Variants in NFATC4 observed in about 807,000 individuals in gnomAD.
NFATC4 encodes the protein nuclear factor of activated T cells 4.
In NFATC4, 25 loss-of-function variants were observed where a neutral mutation model predicts 73.4. The ratio of observed to expected loss-of-function variants is 0.34; its 90% CI spans 0.25 to 0.48. NFATC4 has a LOEUF of 0.48. Ranked by LOEUF, NFATC4 falls within the 20% of genes least tolerant of loss-of-function variation. The pLI is 0.99. For missense variants in NFATC4, 1,130 were observed against 1,203.7 expected (o/e 0.94, Z 0.91); for synonymous variants, 523 against 510.3 (o/e 1.02, Z -0.34).
intron 1 of NFATC4, 124 bp downstream of exon 1, chr14:24,368,564 C>T (rs2042369935): frequency 1.2e-6 from 1 of 814,596 alleles, no homozygotes; most frequent in Non-Finnish European, 1.5e-6. Flanking sequence ...CGAAGGGAGT[C>T]GGGGGGACTC....
chr14:24,368,340 C>A lies in NFATC4; in HGVS notation c.-1C>A. On this transcript the variant is annotated 5_prime_UTR_variant, in exon 1 of 10. Transcript: ENST00000250373. ...GGGACCTGGGGGCTCCTGCCGGATC[C>A]ATGGGGGCGGCCAGCTGCGAGGATG... The A allele has an allele frequency of 5.0e-6, 7 of 1,388,794 alleles. No individual in the cohort carries two copies. The highest frequency in any genetic ancestry group is 6.5e-6 in the Non-Finnish European group (7 of 1,072,464). 86.0% of individuals were successfully genotyped at this position (1,388,794 alleles called of 1,614,324 possible).
intron 3 of NFATC4, 184 bp downstream of exon 3, chr14:24,372,787 C>T (rs1401655371): frequency 7.5e-5 from 52 of 690,836 alleles, no homozygotes; most frequent in Admixed American, 1.4e-4. Context: ...CTACTCCTGT[C>T]CTTCCACCCC....
chr14:24,372,240 G>T, intron 2 of NFATC4: 1 of 597,298 alleles, frequency 1.7e-6, no homozygotes, highest in Non-Finnish European at 2.9e-6. Flanking sequence ...CTGGACTTTT[G>T]GATTTCTTCA....
rs997004397 is a variant in NFATC4 at position 24,373,011 on chromosome 14, G to A, written c.1360-160G>A. On this transcript the variant is annotated intron_variant, in intron 3 of 9. Coordinates refer to ENST00000250373, the MANE Select transcript of NFATC4 (RefSeq NM_004554.5). This position sits in a 1 kb window ranked among gnomAD's most constrained non-coding sequence, Gnocchi z 4.7. ...AAAAACACTGTGAACTCCAGGCCAT[G>A]TTTTCTCCACAACGGGTGCCCAGTT... is the stretch of plus-strand genomic sequence containing the variant. 2.7e-6 allele frequency: 2 copies of A among 741,590 alleles called. No individual in the cohort carries two copies. The highest frequency in any genetic ancestry group is 4.3e-6 in the Non-Finnish European group (2 of 464,918). 45.9% of individuals were successfully genotyped at this position (741,590 alleles called of 1,614,324 possible). A position where few individuals can be genotyped will look rare whatever the true frequency, so the allele number is the denominator to read the frequency against.
In NFATC4 at chr14:24,377,462, C is replaced by T. The variant is rs568243522; in HGVS notation, c.2642-176C>T. On this transcript the variant is annotated intron_variant, in intron 9 of 9. Coordinates refer to ENST00000250373, the MANE Select transcript of NFATC4 (RefSeq NM_004554.5). This position sits in a 1 kb window ranked among gnomAD's most constrained non-coding sequence, Gnocchi z 4.2. ...GGAGGGAGTTGGGCAAGATTTGATT[C>T]GGAGCAGGTGTCAAGACGTGTTGGG... 200 of 1,432,730 alleles carry T rather than the reference C, an allele frequency of 1.4e-4. No homozygotes were observed. In the African/African-American group the frequency reaches 1.8e-3, roughly 13 times the overall value. The allele number at this position is 1,432,730 out of a possible 1,614,324, so 88.8% of individuals were successfully genotyped here.
At position 24,370,004 on chromosome 14, in the gene NFATC4, A is replaced by C; in HGVS notation, c.606A>C (p.Leu202=). ...YAACDEVESE[L]NEAASRFGLG... ...CCTGCGACGAGGTGGAGTCTGAGCT[A>C]AATGAGGCGGCCTCCCGCTTTGGCC... Residue 202 remains leucine, a synonymous_variant, in exon 2 of 10, where the codon CTA becomes CTC. Coordinates refer to ENST00000250373, the MANE Select transcript of NFATC4 (RefSeq NM_004554.5). 1 of 1,612,636 alleles carries C rather than the reference A, an allele frequency of 6.2e-7. No individual in the cohort carries two copies. Among genetic ancestry groups the C allele is most frequent in the Non-Finnish European group, 8.5e-7 (1 of 1,179,944 alleles).
intron 6 of NFATC4, 124 bp downstream of exon 6, chr14:24,374,590 A>G (rs1020007666): frequency 1.1e-6 from 1 of 897,458 alleles, no homozygotes; most frequent in Non-Finnish European, 1.7e-6. Context: ...AAAATGGGAC[A>G]GACAGACTAC....
chr14:24,376,107 C>A lies in NFATC4; in HGVS notation c.2056+6C>A. On this transcript the variant is annotated splice_donor_region_variant and intron_variant, in intron 8 of 9. Coordinates refer to ENST00000250373, the MANE Select transcript of NFATC4 (RefSeq NM_004554.5). The surrounding 1 kb of genome is among the most constrained non-coding windows in gnomAD (Gnocchi z 5.0). ...GAGTTTCAGGTTTCTGCCTGGTGCG[C>A]TCTGGGACAGCCCATGGTGGGGGTA... The A allele has an allele frequency of 6.2e-7, 1 of 1,613,964 alleles. No individual in the cohort carries two copies. The highest frequency in any genetic ancestry group is 8.5e-7 in the Non-Finnish European group (1 of 1,179,918).
In NFATC4 at chr14:24,377,811, C is replaced by G. The variant is rs1308667330; in HGVS notation, c.*106C>G. 2.2e-5 allele frequency: 35 copies of G among 1,580,538 alleles called. No individual in the cohort carries two copies. In the East Asian group the frequency reaches 3.0e-4, roughly 13 times the overall value. ...TACAGAAGCTTGGGGCCAACCCTGGCTCCTCTTTCCCCAGCTTCTGTCTGT... is the reference window on the plus strand; with the variant it reads ...TACAGAAGCTTGGGGCCAACCCTGGGTCCTCTTTCCCCAGCTTCTGTCTGT... On this transcript the variant is annotated 3_prime_UTR_variant, in exon 10 of 10. Transcript: ENST00000250373. The surrounding 1 kb of genome is among the most constrained non-coding windows in gnomAD (Gnocchi z 4.2).
At position 24,373,274 on chromosome 14, in the gene NFATC4, C is replaced by T. The variant is rs759676539; in HGVS notation, c.1463C>T (p.Thr488Ile). ...GCCTTCTATCAGGTGCACCGTATCACAGGCAAGATGGTGGCCACGGCCAGC... is the reference window on the plus strand; with the variant it reads ...GCCTTCTATCAGGTGCACCGTATCATAGGCAAGATGGTGGCCACGGCCAGC... The part of the protein sequence containing the change: ...PHAFYQVHRI[T>I]GKMVATASYE... The change falls in exon 4 of 10, where the codon ACA (threonine) becomes ATA (isoleucine). Residue 488 changes from threonine to isoleucine, a missense_variant. By Grantham distance (89) the Thr-to-Ile change is moderately conservative. This residue lies in a region of NFATC4 where 155 missense variants were observed against 221.2 expected (regional missense o/e 0.70). Transcript: ENST00000250373. The surrounding 1 kb of genome is among the most constrained non-coding windows in gnomAD (Gnocchi z 4.7). The T allele has an allele frequency of 6.2e-7, 1 of 1,614,086 alleles. No individual in the cohort carries two copies. The highest frequency in any genetic ancestry group is 8.5e-7 in the Non-Finnish European group (1 of 1,180,052).
intron 1 of NFATC4, chr14:24,369,272 C>T (rs1279057919): frequency 1.3e-6 from 2 of 1,545,696 alleles, no homozygotes; most frequent in Non-Finnish European, 1.7e-6. Context: ...ATCGGGTACC[C>T]TCGGTCCTAG....
Position 24,373,366 on chromosome 14 carries a change from G to A in NFATC4, c.1555G>A (p.Ala519Thr). 1 of 1,613,754 alleles carries A rather than the reference G, an allele frequency of 6.2e-7. No homozygotes were observed. ...MTLLPENNMA[A>T]NIDCAGILKL... ...TCTGCTGCCTGAGAACAACATGGCG[G>A]CCAAGTAAGTCCCATGCAACTTCCC... Residue 519 changes from alanine to threonine, a missense_variant, in exon 4 of 10, where the codon GCC becomes ACC. Coordinates refer to ENST00000250373, the MANE Select transcript of NFATC4 (RefSeq NM_004554.5). This position sits in a 1 kb window ranked among gnomAD's most constrained non-coding sequence, Gnocchi z 4.7.
At chr14:24,368,089 A>C, upstream of NFATC4, 1 of 1,150,788 alleles carries the variant, frequency 8.7e-7, no homozygotes. Context: ...TCATCCCTGG[A>C]GGAGGGGCTG....
In NFATC4 at chr14:24,369,301, C is replaced by T. The variant is rs1291830603; in HGVS notation, c.101-198C>T. The T allele has an allele frequency of 4.5e-6, 7 of 1,570,994 alleles. No individual in the cohort carries two copies. In the African/African-American group the frequency reaches 5.4e-5, roughly 12 times the overall value. ...GTCCTAGGATCCAGGGGCCAGTGGG[C>T]AAAGGCCTGGCATGCCTGCTTCAAT... On this transcript the variant is annotated intron_variant, in intron 1 of 9. Coordinates refer to ENST00000250373, the MANE Select transcript of NFATC4 (RefSeq NM_004554.5).
In NFATC4 at chr14:24,368,574, C is replaced by T. The variant is rs985909449; in HGVS notation, c.100+134C>T. 3 of 746,946 alleles carry T rather than the reference C, an allele frequency of 4.0e-6. No individual in the cohort carries two copies. The African/African-American group carries it at 6.2e-5, about 15-fold the overall frequency. 46.3% of individuals were successfully genotyped at this position (746,946 alleles called of 1,614,324 possible). ...GAGGTCGAAGGGAGTCGGGGGGACT[C>T]GTTGGCCTGCGGAAGTGAGGCTGGG... On this transcript the variant is annotated intron_variant, in intron 1 of 9. Transcript: ENST00000250373.
At chr14:24,367,070 C>T (rs755151645), upstream of NFATC4, 1 of 1,613,858 alleles carries the variant, frequency 6.2e-7, no homozygotes. Context: ...AACCACCCTC[C>T]CATCTCTCCT....
chr14:24,374,611 A>T, intron 6 of NFATC4, 145 bp downstream of exon 6: 1 of 739,998 alleles, frequency 1.4e-6, no homozygotes, highest in South Asian at 2.0e-5. Context: ...CCTTTCTATT[A>T]TACTGTCTGC....
In NFATC4 at chr14:24,370,198, G is replaced by A; in HGVS notation, c.800G>A (p.Gly267Asp). ...TCCCCGCGGCCTGCCTCTCCATGTG[G>A]CAAGCGGCGCTATTCCAGCTCGGGA... Reference protein sequence around the residue: ...PASPRPASPCGKRRYSSSGTP... With the variant: ...PASPRPASPCDKRRYSSSGTP... The change falls in exon 2 of 10, where the codon GGC (glycine) becomes GAC (aspartate). Residue 267 changes from glycine to aspartate, a missense_variant. By Grantham distance (94) the Gly-to-Asp change is moderately conservative. Coordinates refer to ENST00000250373, the MANE Select transcript of NFATC4 (RefSeq NM_004554.5). 6.2e-7 allele frequency: 1 copy of A among 1,608,254 alleles called. No homozygotes were observed. The highest frequency in any genetic ancestry group is 8.5e-7 in the Non-Finnish European group (1 of 1,179,900).
chr14:24,375,655 G>T lies in NFATC4; in HGVS notation c.1874-5G>T, dbSNP rs1433955701. 6.5e-7 allele frequency: 1 copy of T among 1,538,398 alleles called. No individual in the cohort carries two copies. Among genetic ancestry groups the T allele is most frequent in the South Asian group, 1.2e-5 (1 of 84,070 alleles). ...GGGCTGCAGCTCTCTGTTCCCTCTG[G>T]ACAGATGGGAAGCTGCAATGGGAGG... is the stretch of plus-strand genomic sequence containing the variant. On this transcript the variant is annotated splice_polypyrimidine_tract_variant and splice_region_variant and intron_variant, in intron 6 of 9. Transcript: ENST00000250373.
Sources: allele counts gnomAD v4.1 joint callset, GRCh38; gene constraint gnomAD v4.1.1; regional missense constraint gnomAD v4.1.1; non-coding constraint Gnocchi (gnomAD v3.1); transcripts MANE v1.5; gene names NCBI Gene and HGNC (gene_info 2026-07-23, HGNC 2026-07-21).